The following TMEM132E variants were observed in gnomAD, a reference collection of about 807,000 sequenced individuals.
TMEM132E encodes the protein transmembrane protein 132E.
TMEM132E carries 49 observed loss-of-function variants against 78.5 expected under a neutral mutation model. The observed-to-expected ratio is 0.62, with a 90% CI of 0.50 to 0.79. The LOEUF is 0.79. TMEM132E is among the 30% of genes least tolerant of loss of function. TMEM132E has a pLI of 0.00. For missense variants in TMEM132E, 1,403 were observed against 1,470.9 expected (o/e 0.95, Z 0.75); for synonymous variants, 715 against 670.6 (o/e 1.07, Z -1.02).
At chr17:34,603,698 G>A (rs945993118) in intron 1 of TMEM132E, among the ~76,000 whole-genome samples, 6 of 152,252 alleles carry the variant, frequency 3.9e-5, no homozygotes, top group Admixed American at 1.3e-4. Context: ...GGGTGTTCCT[G>A]TCCTCCCCTC....
At chr17:34,619,000 TG>T (rs559944110) in intron 1 of TMEM132E, among the ~76,000 whole-genome samples, 1 of 152,302 alleles carries the variant, frequency 6.6e-6, no homozygotes, top group East Asian at 1.9e-4. Flanking sequence ...GCAGGTCTCC[TG>T]GGTTGGGGGT....
At chr17:34,609,189 G>A (rs1394820302) in intron 1 of TMEM132E, among the ~76,000 whole-genome samples, 1 of 152,196 alleles carries the variant, frequency 6.6e-6, no homozygotes, top group Non-Finnish European at 1.5e-5. Context: ...GAAGGTCTGT[G>A]CCCAGTTCTG....
At position 34,637,802 on chromosome 17, in the gene TMEM132E, C is replaced by G. The variant is rs1046506831; in HGVS notation, c.2795C>G (p.Ser932Cys). Residue 932 changes from serine (S) to cysteine (C), a missense_variant, in exon 9 of 9, where the codon TCT (serine) becomes TGT (cysteine). By Grantham distance (112) the Ser-to-Cys change is moderately radical (BLOSUM62 -1). Transcript: ENST00000631683. Reference protein sequence around the residue: ...PPEGQTSMDHSHHWVFLGNGQ... With the variant: ...PPEGQTSMDHCHHWVFLGNGQ... ...GAGGGCCAGACCAGCATGGACCACT[C>G]TCACCACTGGGTGTTCCTGGGCAAC... 1 of 1,613,224 alleles carries G rather than the reference C, an allele frequency of 6.2e-7. No homozygotes were observed. The highest frequency in any genetic ancestry group is 8.5e-7 in the Non-Finnish European group (1 of 1,179,912).
intron 1 of TMEM132E, among the ~76,000 whole-genome samples, chr17:34,604,218 G>A (rs1157030791): frequency 6.6e-6 from 1 of 152,174 alleles, no homozygotes; most frequent in Non-Finnish European, 1.5e-5. Flanking sequence ...TGCAGGCAGA[G>A]TCTGAGCTCT....
chr17:34,627,051 C>A lies in TMEM132E; in HGVS notation c.992C>A (p.Thr331Lys), dbSNP rs764093571. The change falls in exon 2 of 9, where the codon ACA becomes AAA. Residue 331 changes from threonine (T) to lysine (K), a missense_variant. Thr to Lys is a moderately conservative substitution (Grantham distance 78). Around this residue, in one of 3 missense-constraint regions of TMEM132E, gnomAD observed 511 missense variants for 499.0 expected, o/e 1.02. Coordinates refer to ENST00000631683, the MANE Select transcript of TMEM132E (RefSeq NM_001304438.2). ...TCCAGCCCCAGCGTGGAGCACTTCA[C>A]ACTCAGGTAGTAGGGAAGATGGGTG... ...SPSSPSVEHF[T>K]LRVKAKKGVT... is the part of the protein sequence containing the mutation. 1 of 1,613,432 alleles carries A rather than the reference C, an allele frequency of 6.2e-7. No individual in the cohort carries two copies. Among genetic ancestry groups the A allele is most frequent in the South Asian group, 1.1e-5 (1 of 91,046 alleles).
Position 34,634,131 on chromosome 17 carries a change from A to G in TMEM132E, c.1689-668A>G, listed in dbSNP as rs545464891. Among the ~76,000 whole-genome samples, 6 of 152,286 alleles carry G rather than the reference A, an allele frequency of 3.9e-5. No homozygotes were observed. In the South Asian group the frequency reaches 1.2e-3, roughly 32 times the overall value. ...AACAAAGCACTAGCTACAGAGAAAA[A>G]CACTTGGCTTTCTCACCAAAGCACA... is the stretch of plus-strand genomic sequence containing the variant. On this transcript the variant is annotated intron_variant, in intron 6 of 8. Transcript: ENST00000631683.
intron 1 of TMEM132E, among the ~76,000 whole-genome samples, chr17:34,582,787 G>A (rs924959383): frequency 5.3e-5 from 8 of 152,108 alleles, no homozygotes; most frequent in East Asian, 1.9e-4. Context: ...CCCAGTAGGA[G>A]GAAGCCCAGA....
In TMEM132E at chr17:34,637,828, G is replaced by T. The variant is rs539661432; in HGVS notation, c.2821G>T (p.Gly941Trp). 2 of 1,611,204 alleles carry T rather than the reference G, an allele frequency of 1.2e-6. No individual in the cohort carries two copies. The highest frequency in any genetic ancestry group is 1.7e-5 in the Admixed American group (1 of 59,964). The change falls in exon 9 of 9, where the codon GGG becomes TGG. Residue 941 changes from glycine (G) to tryptophan (W), a missense_variant. By Grantham distance (184) the Gly-to-Trp change is radical. Around this residue, in one of 3 missense-constraint regions of TMEM132E, gnomAD observed 888 missense variants for 952.8 expected, o/e 0.93. Transcript: ENST00000631683. Reference protein sequence around the residue: ...HSHHWVFLGNGQPLRVQGELS... With the variant: ...HSHHWVFLGNWQPLRVQGELS... The stretch of plus-strand genomic sequence containing the variant: ...TCACCACTGGGTGTTCCTGGGCAAC[G>T]GGCAGCCGCTGCGGGTGCAAGGAGA...
rs757863800 is a variant in TMEM132E, at chr17:34,637,408, G to A, written c.2401G>A (p.Val801Met). Residue 801 changes from valine to methionine, a missense_variant, in exon 9 of 9, where the codon GTG (valine) becomes ATG (methionine). This residue lies in a region of TMEM132E where 888 missense variants were observed against 952.8 expected (regional missense o/e 0.93). Coordinates refer to ENST00000631683, the MANE Select transcript of TMEM132E (RefSeq NM_001304438.2). ...CTGCCAGAAAACCAAACGCAAGAGTGTGCTCGCCACGACCCCTGTGGGCCT... is the reference window on the plus strand; with the variant it reads ...CTGCCAGAAAACCAAACGCAAGAGTATGCTCGCCACGACCCCTGTGGGCCT... ...ESCQKTKRKS[V>M]LATTPVGLRV... 1 of 1,613,826 alleles carries A rather than the reference G, an allele frequency of 6.2e-7. No homozygotes were observed. The highest frequency in any genetic ancestry group is 8.5e-7 in the Non-Finnish European group (1 of 1,180,046).
At chr17:34,592,476 G>A (rs374583290) in intron 1 of TMEM132E, among the ~76,000 whole-genome samples, 3 of 152,184 alleles carry the variant, frequency 2.0e-5, no homozygotes, top group Admixed American at 6.5e-5. Context: ...TTTCTGACAA[G>A]GAACACAGGC....
At chr17:34,604,280 T>C (rs539354518) in intron 1 of TMEM132E, among the ~76,000 whole-genome samples, 3 of 152,266 alleles carry the variant, frequency 2.0e-5, no homozygotes, top group South Asian at 2.1e-4. Context: ...CTACTGCCTG[T>C]TGGGGACTCC....
Position 34,637,890 on chromosome 17 carries a change from GC to G in TMEM132E, c.2886del (p.Ala963ProfsTer141). On this transcript the variant is annotated frameshift_variant, in exon 9 of 9. Coordinates refer to ENST00000631683, the MANE Select transcript of TMEM132E (RefSeq NM_001304438.2). LOFTEE classifies it high-confidence loss of function. ...PPAGNPLETV[P>X]AFCHGDHHSS... Reference sequence around the variant, plus strand: ...CAGCAGGCAACCCGCTGGAAACCGTGCCCGCCTTCTGCCACGGCGACCACCA... The same window carrying G: ...CAGCAGGCAACCCGCTGGAAACCGTGCCGCCTTCTGCCACGGCGACCACCA... 1 of 1,607,400 alleles carries G rather than the reference GC, an allele frequency of 6.2e-7. No individual in the cohort carries two copies.
intron 4 of TMEM132E, 29 bp from the exon 5 acceptor site, chr17:34,629,979 G>A (rs1245881902): frequency 1.9e-6 from 3 of 1,581,588 alleles, no homozygotes; most frequent in South Asian, 1.1e-5. Context: ...GGGACCACAA[G>A]TAGAGCCCCC....
chr17:34,615,337 A>C (rs1275962969), intron 1 of TMEM132E, among the ~76,000 whole-genome samples: 5 of 152,018 alleles, frequency 3.3e-5, no homozygotes. Context: ...CCCCTCCCCG[A>C]TTCCTCTGCC....
intron 1 of TMEM132E, among the ~76,000 whole-genome samples, chr17:34,597,294 G>A (rs945839237): frequency 1.3e-5 from 2 of 152,152 alleles, no homozygotes; most frequent in Non-Finnish European, 2.9e-5. Flanking sequence ...GGATTCCCTT[G>A]GGGCAGGGCT....
intron 1 of TMEM132E, among the ~76,000 whole-genome samples, chr17:34,583,782 G>T (rs1025246546): frequency 6.6e-6 from 1 of 152,226 alleles, no homozygotes; most frequent in Admixed American, 6.5e-5. Flanking sequence ...AGGCAGCGTG[G>T]TCTCTGGCCT....
chr17:34,626,415 G>T lies in TMEM132E; in HGVS notation c.356G>T (p.Arg119Leu), dbSNP rs141502241. ...QPSSTLDIPE[R>L]LTVNWKVRAF... The stretch of plus-strand genomic sequence containing the variant: ...TCCAGCACCCTGGACATCCCCGAGC[G>T]CCTGACGGTGAACTGGAAGGTGCGG... The change falls in exon 2 of 9, where the codon CGC becomes CTC. Residue 119 changes from arginine to leucine, a missense_variant. Around this residue, in one of 3 missense-constraint regions of TMEM132E, gnomAD observed 511 missense variants for 499.0 expected, o/e 1.02. Coordinates refer to ENST00000631683, the MANE Select transcript of TMEM132E (RefSeq NM_001304438.2). 2.2e-5 allele frequency: 36 copies of T among 1,613,372 alleles called. No homozygotes were observed. Among genetic ancestry groups the T allele is most frequent in the Non-Finnish European group, 2.9e-5 (34 of 1,179,810 alleles).
rs1342841200 is a variant in TMEM132E, at chr17:34,581,069, C to A, written c.-8C>A. On this transcript the variant is annotated 5_prime_UTR_variant, in exon 1 of 9. Transcript: ENST00000631683. ...CTCTCTCGGACCCCTCCCGCCCCCG[C>A]CTCGGCCATGGCCCCGGGGATGTCG... 1 of 1,546,776 alleles carries A rather than the reference C, an allele frequency of 6.5e-7. No homozygotes were observed. Among genetic ancestry groups the A allele is most frequent in the Admixed American group, 1.9e-5 (1 of 52,040 alleles).
At chr17:34,627,477 T>TGCGCGCGCGC (rs764096160) in intron 2 of TMEM132E, among the ~76,000 whole-genome samples, 1 of 149,368 alleles carries the variant, frequency 6.7e-6, no homozygotes, top group African/African-American at 2.5e-5. Context: ...CGTGTGTGTG[T>TGCGCGCGCGC]GTGTGTGTGT....
Sources: allele counts gnomAD v4.1 joint callset (sites outside exome capture counted in the v4.1 genomes callset), GRCh38; gene constraint gnomAD v4.1.1; regional missense constraint gnomAD v4.1.1; transcripts MANE v1.5; gene names NCBI Gene and HGNC (gene_info 2026-07-23, HGNC 2026-07-21).